The following RABIF variants were observed in gnomAD, a reference collection of about 807,000 sequenced individuals.
The protein encoded by RABIF is guanine nucleotide exchange factor MSS4.
RABIF carries 13 observed loss-of-function variants against 12.3 expected under a neutral mutation model. The ratio of observed to expected loss-of-function variants is 1.06; its 90% CI spans 0.69 to 1.68. The LOEUF (loss-of-function observed/expected upper bound fraction) is 1.68, where lower values mean the gene tolerates loss of function less well. Among genes scored for constraint, RABIF ranks in the 40% most tolerant of loss-of-function variants. RABIF has a pLI of 0.00. For synonymous variants in RABIF, 70 were observed against 63.3 expected, an observed-to-expected ratio of 1.11 and a Z score of -0.50; for missense variants, 153 against 158.0, an observed-to-expected ratio of 0.97 and a Z score of 0.17.
chr1:202,880,797 A>G lies in RABIF; in HGVS notation c.*181T>C. The G allele has an allele frequency of 7.2e-7, 1 of 1,397,104 alleles. No homozygotes were observed. The highest frequency in any genetic ancestry group is 9.3e-7 in the Non-Finnish European group (1 of 1,075,464). The allele number at this position is 1,397,104 out of a possible 1,614,324, so 86.5% of individuals were successfully genotyped here. A position where few individuals can be genotyped will look rare whatever the true frequency, so the allele number is the denominator to read the frequency against. On this transcript the variant is annotated 3_prime_UTR_variant, in exon 2 of 2. Coordinates refer to ENST00000367262, the MANE Select transcript of RABIF (RefSeq NM_002871.5). Reference sequence around the variant, plus strand: ...ATACAAAGTGAACTAAGCAGGAGGCATGTACTTGAGGCTTTAGGAAGCAGG... The same window carrying G: ...ATACAAAGTGAACTAAGCAGGAGGCGTGTACTTGAGGCTTTAGGAAGCAGG...
At position 202,881,282 on chromosome 1, in the gene RABIF, C is replaced by A. The variant is rs1409605103; in HGVS notation, c.127-59G>T. On this transcript the variant is annotated intron_variant, in intron 1 of 1. Transcript: ENST00000367262. ...TTGAACTGGCCCAGTTCCATCAACA[C>A]CCCCGTTCTAGGTACACTTCACATT... is the stretch of plus-strand genomic sequence containing the variant. The A allele has an allele frequency of 9.0e-6, 14 of 1,555,120 alleles. No homozygotes were observed. The East Asian group carries it at 1.8e-4, about 20-fold the overall frequency.
intron 1 of RABIF, among the ~76,000 whole-genome samples, chr1:202,881,638 A>G (rs1191778282): frequency 6.6e-6 from 1 of 151,778 alleles, no homozygotes; most frequent in African/African-American, 2.4e-5. Context: ...CGATCTCTTG[A>G]CCTCGTGATC....
At chr1:202,883,469 G>A (rs1033006127) in intron 1 of RABIF, among the ~76,000 whole-genome samples, 3 of 152,188 alleles carry the variant, frequency 2.0e-5, no homozygotes, top group Admixed American at 6.5e-5. Flanking sequence ...GATTCTAGTC[G>A]CATCTGTAAC....
rs1268676845 is a variant in RABIF at position 202,880,695 on chromosome 1, T to C, written c.*283A>G. 2.6e-6 allele frequency: 3 copies of C among 1,152,246 alleles called. No homozygotes were observed. Among genetic ancestry groups the C allele is most frequent in the Non-Finnish European group, 2.1e-6 (2 of 931,866 alleles). 71.4% of individuals were successfully genotyped at this position (1,152,246 alleles called of 1,614,324 possible). On this transcript the variant is annotated 3_prime_UTR_variant, in exon 2 of 2. Transcript: ENST00000367262. ...TGGGCAAAACAGAGCCTAGGGAGAA[T>C]GCCAGGGAAGAGATGAGATTTTTGG...
intron 1 of RABIF, among the ~76,000 whole-genome samples, chr1:202,887,337 GAA>G (rs66681340): frequency 5.4e-4 from 67 of 124,896 alleles, no homozygotes; most frequent in Non-Finnish European, 6.4e-4. Flanking sequence ...AAAACATTAT[GAA>G]AAATTTTTTT....
In RABIF at chr1:202,885,911, C is replaced by T. The variant is rs111812062; in HGVS notation, c.126+3062G>A. 3.8e-3 allele frequency among the ~76,000 whole-genome samples: 560 copies of T among 148,782 alleles called. 7 individuals are homozygous for T. Among genetic ancestry groups the T allele is most frequent in the Non-Finnish European group, 5.2e-3 (350 of 67,274 alleles). ...TAGGATTCTTCCAACAGTTCTTTCT[C>T]AAGAAATAGGAAATTTCCAGAAATA... On this transcript the variant is annotated intron_variant, in intron 1 of 1. Transcript: ENST00000367262.
At position 202,880,813 on chromosome 1, in the gene RABIF, A is replaced by G. The variant is rs908621324; in HGVS notation, c.*165T>C. On this transcript the variant is annotated 3_prime_UTR_variant, in exon 2 of 2. Coordinates refer to ENST00000367262, the MANE Select transcript of RABIF (RefSeq NM_002871.5). ...GCAGGAGGCATGTACTTGAGGCTTT[A>G]GGAAGCAGGATTAACCCTCTGCATG... 1.5e-5 allele frequency: 22 copies of G among 1,422,472 alleles called. No individual in the cohort carries two copies. Among genetic ancestry groups the G allele is most frequent in the African/African-American group, 5.7e-5 (4 of 70,034 alleles). 88.1% of individuals were successfully genotyped at this position (1,422,472 alleles called of 1,614,324 possible). A position where few individuals can be genotyped will look rare whatever the true frequency, so the allele number is the denominator to read the frequency against.
intron 1 of RABIF, among the ~76,000 whole-genome samples, chr1:202,884,370 G>A (rs1659530390): frequency 6.6e-6 from 1 of 152,074 alleles, no homozygotes. Context: ...GGAGTTACTT[G>A]TGTTGTTTTC....
chr1:202,886,227 GGGGAAC>G (rs1237697036), intron 1 of RABIF, among the ~76,000 whole-genome samples: 116 of 43,476 alleles, frequency 2.7e-3, no homozygotes, highest in African/African-American at 5.0e-3. Flanking sequence ...AGAGCACAAC[GGGGAAC>G]GGGAACGGGG....
intron 1 of RABIF, among the ~76,000 whole-genome samples, chr1:202,881,487 C>T (rs1319568634): frequency 2.6e-5 from 4 of 152,096 alleles, no homozygotes; most frequent in Admixed American, 1.3e-4. Context: ...CTGCAACCTC[C>T]GCCTCCTGGG....
chr1:202,887,381 T>C (rs1042273137), intron 1 of RABIF, among the ~76,000 whole-genome samples: 1 of 151,970 alleles, frequency 6.6e-6, no homozygotes, highest in African/African-American at 2.4e-5. Flanking sequence ...TCATCAGCTA[T>C]CATTAGTGTA....
At chr1:202,886,752 T>A (rs1465988947) in intron 1 of RABIF, among the ~76,000 whole-genome samples, 1 of 31,908 alleles carries the variant, frequency 3.1e-5, no homozygotes. Context: ...TTTCTTTTTT[T>A]TTTTTTTTGA....
At position 202,889,054 on chromosome 1, in the gene RABIF, GCCCTCGGCTGACACTAACT is replaced by G; in HGVS notation, c.26_44del (p.Glu9AlafsTer34). 3 of 1,610,994 alleles carry G rather than the reference GCCCTCGGCTGACACTAACT, an allele frequency of 1.9e-6. No individual in the cohort carries two copies. The highest frequency in any genetic ancestry group is 2.5e-6 in the Non-Finnish European group (3 of 1,178,950). ...GGCACAGCACCGCCTTCCGGTTTCG[GCCCTCGGCTGACACTAACT>G]CGCTCGGCTGCTCCGCTGGTTCCAT... On this transcript the variant is annotated frameshift_variant, in exon 1 of 2. Transcript: ENST00000367262. LOFTEE classifies it high-confidence loss of function.
At position 202,879,114 on chromosome 1, in the gene RABIF, A is replaced by G. The variant is rs1053631078; in HGVS notation, c.*1864T>C. 1 of 152,244 alleles carries G rather than the reference A, an allele frequency of 6.6e-6. No homozygotes were observed. The highest frequency in any genetic ancestry group is 2.4e-5 in the African/African-American group (1 of 41,456). 9.4% of individuals were successfully genotyped at this position (152,244 alleles called of 1,614,324 possible). On this transcript the variant is annotated 3_prime_UTR_variant, in exon 2 of 2. Transcript: ENST00000367262. ...TAAAAGTTTCACTAGAAATAAAATA[A>G]ATGCAAATTAAAACAATGAAATACT...
chr1:202,884,911 C>G (rs567974475), intron 1 of RABIF, among the ~76,000 whole-genome samples: 1 of 151,738 alleles, frequency 6.6e-6, no homozygotes, highest in African/African-American at 2.4e-5. Flanking sequence ...ATGGCGAAAC[C>G]CCCATCTCTA....
chr1:202,881,008 A>G lies in RABIF; in HGVS notation c.342T>C (p.Tyr114=), dbSNP rs768085788. The G allele has an allele frequency of 6.2e-7, 1 of 1,614,102 alleles. No individual in the cohort carries two copies. Among genetic ancestry groups the G allele is most frequent in the African/African-American group, 1.3e-5 (1 of 74,938 alleles). ...WHCLDDKNSF[Y]VALERVSHE is the part of the protein sequence containing the mutation. ...CATGGGAAACTCGTTCCAAGGCCAC[A>G]TAGAAACTGTTCTTGTCATCTAGGC... Residue 114 remains tyrosine, a synonymous_variant, in exon 2 of 2, where the codon TAT becomes TAC. Transcript: ENST00000367262.
chr1:202,881,352 G>C, intron 1 of RABIF, 129 bp from the exon 2 acceptor site: 1 of 1,339,368 alleles, frequency 7.5e-7, no homozygotes, highest in Non-Finnish European at 9.9e-7. Context: ...CTCTCATTAA[G>C]CTGTAGACGA....
At chr1:202,886,596 A>C (rs1659565854) in intron 1 of RABIF, among the ~76,000 whole-genome samples, 1 of 152,240 alleles carries the variant, frequency 6.6e-6, no homozygotes, top group Middle Eastern at 3.4e-3. Flanking sequence ...AAAACAAAAC[A>C]AAACAAAAGA....
chr1:202,883,792 C>G (rs919413125), intron 1 of RABIF, among the ~76,000 whole-genome samples: 1 of 152,184 alleles, frequency 6.6e-6, no homozygotes, highest in Non-Finnish European at 1.5e-5. Flanking sequence ...ACGGTCCATT[C>G]AAGGCATCAT....
Sources: gnomAD v4.1 joint callset for allele counts (sites outside exome capture counted in the v4.1 genomes callset) on GRCh38, gnomAD v4.1.1 for gene constraint, MANE v1.5 for transcripts, NCBI Gene and HGNC (gene_info 2026-07-23, HGNC 2026-07-21) for gene names.